The following TSC2 variants were observed in gnomAD, a reference collection of about 807,000 sequenced individuals.
The protein encoded by TSC2 is tuberin.
A neutral mutation model predicts 202.2 loss-of-function variants in TSC2; 29 were observed. That is an observed-to-expected ratio of 0.14 (90% CI 0.11 to 0.20). The LOEUF (loss-of-function observed/expected upper bound fraction) is 0.20, where lower values mean the gene tolerates loss of function less well. Among genes scored for constraint, TSC2 ranks in the 10% least tolerant of loss-of-function variants. TSC2 has a pLI of 1.00. For synonymous variants in TSC2, 1,349 were observed against 1,044.0 expected (o/e 1.29, Z -5.63); for missense variants, 2,429 against 2,420.0 (o/e 1.00, Z -0.08).
intron 2 of TSC2, 33 bp downstream of exon 2, chr16:2,048,786 G>A (rs550550774): frequency 6.2e-7 from 1 of 1,613,860 alleles, no homozygotes; most frequent in East Asian, 2.2e-5. Flanking sequence ...TGCTAGGCTA[G>A]AGGGAAATGC....
chr16:2,085,355 CAG>C, intron 36 of TSC2, 33 bp downstream of exon 36: 1 of 1,610,164 alleles, frequency 6.2e-7, no homozygotes, highest in East Asian at 2.2e-5. Context: ...GGTGCCTGGA[CAG>C]GGCCAGCTGG....
chr16:2,086,185 C>T lies in TSC2; in HGVS notation c.4663-8C>T, dbSNP rs753947985. On this transcript the variant is annotated splice_polypyrimidine_tract_variant and splice_region_variant and intron_variant, in intron 36 of 41. Coordinates refer to ENST00000219476, the MANE Select transcript of TSC2 (RefSeq NM_000548.5). ...TGATGCCACCCTGCCTCTCCCCTCT[C>T]CCCACAGAGCAACAGCGAGCTCGCC... The T allele has an allele frequency of 1.7e-5, 27 of 1,612,030 alleles. No homozygotes were observed. The highest frequency in any genetic ancestry group is 2.2e-5 in the Non-Finnish European group (26 of 1,179,442).
At chr16:2,049,333 G>A (rs2084790255) in intron 2 of TSC2, among the ~76,000 whole-genome samples, 1 of 151,758 alleles carries the variant, frequency 6.6e-6, no homozygotes, top group Non-Finnish European at 1.5e-5. Context: ...TGATCTGCCC[G>A]CTTTGGCCTC....
At chr16:2,077,024 C>T (rs1308380822) in intron 25 of TSC2, among the ~76,000 whole-genome samples, 3 of 152,232 alleles carry the variant, frequency 2.0e-5, no homozygotes, top group African/African-American at 4.8e-5. Flanking sequence ...TCCTGTCCCC[C>T]ACCTTCCTGC....
chr16:2,054,099 C>T (rs949818038), intron 4 of TSC2, 197 bp from the exon 5 acceptor site: 17 of 787,582 alleles, frequency 2.2e-5, no homozygotes, highest in Non-Finnish European at 3.0e-5. Context: ...CCATACGCCG[C>T]TCTGCGGTCG....
chr16:2,049,646 G>A (rs2084840335), intron 2 of TSC2, among the ~76,000 whole-genome samples: 1 of 151,596 alleles, frequency 6.6e-6, no homozygotes, highest in Non-Finnish European at 1.5e-5. Context: ...CCAACATGGC[G>A]AAACCCCGTC....
At chr16:2,065,681 A>G (rs2087252846) in intron 16 of TSC2, 46 bp downstream of exon 16, 8 of 1,493,472 alleles carry the variant, frequency 5.4e-6, no homozygotes, top group Non-Finnish European at 7.5e-6. Context: ...GCGCATGGCT[A>G]GCGTCCACCA....
At position 2,075,837 on chromosome 16, in the gene TSC2, G is replaced by A. The variant is rs759837836; in HGVS notation, c.2584G>A (p.Ala862Thr). ...GCCGCACCTCTACAGGAACTTTGCC[G>A]CGGAGCAGTATGCCAGTGTGTTCGC... ...RLPHLYRNFA[A>T]EQYASVFAIS... The change falls in exon 23 of 42, where the codon GCG becomes ACG. Residue 862 changes from alanine to threonine, a missense_variant. Ala to Thr is a moderately conservative substitution (Grantham distance 58). Transcript: ENST00000219476. The A allele has an allele frequency of 2.8e-5, 45 of 1,612,926 alleles. No homozygotes were observed. The highest frequency in any genetic ancestry group is 5.3e-5 in the African/African-American group (4 of 74,930).
At chr16:2,064,010 G>A (rs2086969816) in intron 14 of TSC2, 1 of 558,242 alleles carries the variant, frequency 1.8e-6, no homozygotes, top group South Asian at 1.9e-5. Context: ...GCTGCTCCTT[G>A]TGAGTTGTGG....
In TSC2 at chr16:2,088,682, C is replaced by G. The variant is rs1478302208; in HGVS notation, c.*72C>G. ...CAGTGAAATAAATAAAGTCCTGACC[C>G]CAGTGCACAGACATAGAGGCACAGA... On this transcript the variant is annotated 3_prime_UTR_variant, in exon 42 of 42. Transcript: ENST00000219476. 2 of 1,524,228 alleles carry G rather than the reference C, an allele frequency of 1.3e-6. No individual in the cohort carries two copies. The highest frequency in any genetic ancestry group is 1.8e-6 in the Non-Finnish European group (2 of 1,134,658). 94.4% of individuals were successfully genotyped at this position (1,524,228 alleles called of 1,614,324 possible). A position where few individuals can be genotyped will look rare whatever the true frequency, so the allele number is the denominator to read the frequency against.
chr16:2,071,946 C>G lies in TSC2; in HGVS notation c.2097+12C>G, dbSNP rs137854029. The G allele has an allele frequency of 1.3e-6, 2 of 1,563,070 alleles. No homozygotes were observed. The highest frequency in any genetic ancestry group is 8.7e-7 in the Non-Finnish European group (1 of 1,152,978). ...AGTGCTTGAAGCAGGTGAGTGGGGC[C>G]GGGCAGGGACCATCCGTCCCACGTT... On this transcript the variant is annotated intron_variant, in intron 19 of 41. Transcript: ENST00000219476.
In TSC2 at chr16:2,064,362, C is replaced by T. The variant is rs772834557; in HGVS notation, c.1534C>T (p.Leu512=). 1 of 1,613,788 alleles carries T rather than the reference C, an allele frequency of 6.2e-7. No homozygotes were observed. Among genetic ancestry groups the T allele is most frequent in the Non-Finnish European group, 8.5e-7 (1 of 1,180,036 alleles). The change falls in exon 15 of 42, where the codon CTG becomes TTG. Residue 512 remains leucine (L), a synonymous_variant. Coordinates refer to ENST00000219476, the MANE Select transcript of TSC2 (RefSeq NM_000548.5). ...HQVRKLATQL[L]VDLAEGCHTH... ...GGTCCGAAAGCTGGCCACCCAGTTG[C>T]TGGTGGACCTGGCAGAGGGCTGCCA...
chr16:2,072,178 C>A, intron 19 of TSC2, 63 bp from the exon 20 acceptor site: 2 of 1,609,984 alleles, frequency 1.2e-6, no homozygotes, highest in Non-Finnish European at 1.7e-6. Context: ...GCCTCAGATG[C>A]TAGCTTCCGC....
At chr16:2,083,047 T>C (rs1008002525) in intron 32 of TSC2, 22 of 451,080 alleles carry the variant, frequency 4.9e-5, no homozygotes, top group Non-Finnish European at 9.3e-5. Flanking sequence ...GACGAGCTGG[T>C]TTGGAAGGGC....
chr16:2,073,941 G>T (rs1567473388), intron 21 of TSC2, among the ~76,000 whole-genome samples: 1 of 152,264 alleles, frequency 6.6e-6, no homozygotes, highest in South Asian at 2.1e-4. Context: ...CCTGTGAAGG[G>T]CCCAGAACCA....
chr16:2,071,299 G>A (rs1006219610), intron 17 of TSC2: 22 of 624,706 alleles, frequency 3.5e-5, no homozygotes, highest in Non-Finnish European at 5.2e-5. Context: ...TGTGAGCTCC[G>A]AGGCAAGGGA....
At chr16:2,075,545 AAAAAAG>A (rs1442784493) in intron 22 of TSC2, among the ~76,000 whole-genome samples, 6 of 151,352 alleles carry the variant, frequency 4.0e-5, no homozygotes, top group African/African-American at 1.5e-4. Context: ...AAAAAAAAAA[AAAAAAG>A]AGGTGCGGAA....
chr16:2,084,756 C>T (rs1380406287), intron 34 of TSC2, 41 bp downstream of exon 34: 3 of 1,598,380 alleles, frequency 1.9e-6, no homozygotes, highest in African/African-American at 1.3e-5. Context: ...GACACCTCTC[C>T]TGCGGGAACC....
intron 13 of TSC2, 106 bp downstream of exon 13, chr16:2,062,706 C>T: frequency 1.6e-6 from 2 of 1,233,578 alleles, no homozygotes; most frequent in Non-Finnish European, 1.2e-6. Flanking sequence ...AGGGCCCTCC[C>T]CTCTGCCTCT....
Sources: allele counts gnomAD v4.1 joint callset (sites outside exome capture counted in the v4.1 genomes callset), GRCh38; gene constraint gnomAD v4.1.1; transcripts MANE v1.5; gene names NCBI Gene and HGNC (gene_info 2026-07-23, HGNC 2026-07-21).